The following DMD variants were observed in gnomAD, a reference collection of about 807,000 sequenced individuals.
The protein encoded by DMD is mutant dystrophin.
Under a neutral mutation model 330.1 loss-of-function variants are expected in DMD, and 63 were observed. The observed-to-expected ratio is 0.19, with a 90% CI of 0.16 to 0.24. DMD has a LOEUF of 0.24. DMD is among the 10% of genes least tolerant of loss of function. The probability of loss-of-function intolerance (pLI) is 1.00; values close to 1 mark genes in which losing one functional copy is unlikely to be tolerated. For missense variants in DMD, 3,344 were observed against 2,684.1 expected, an observed-to-expected ratio of 1.25 and a Z score of -5.43; for synonymous variants, 1,223 against 959.8, an observed-to-expected ratio of 1.27 and a Z score of -5.07.
chrX:32,388,459 G>A (rs1429713780), intron 32 of DMD, among the ~76,000 whole-genome samples: 1 of 106,040 alleles, frequency 9.4e-6, no homozygotes, highest in African/African-American at 3.5e-5. Flanking sequence ...CTTTTTGGGG[G>A]TGAGAATAAT....
chrX:32,173,884 T>C (rs2096897101), intron 44 of DMD, among the ~76,000 whole-genome samples: 1 of 111,691 alleles, frequency 9.0e-6, no homozygotes, highest in Non-Finnish European at 1.9e-5. Context: ...CATAAGAGGC[T>C]ATGTGTGAAT....
intron 42 of DMD, among the ~76,000 whole-genome samples, chrX:32,308,753 G>A (rs763638085): frequency 9.0e-6 from 1 of 110,873 alleles, no homozygotes; most frequent in East Asian, 2.9e-4. Context: ...AAGAGGTATG[G>A]AGACAGAGTT....
chrX:32,825,727 T>A (rs889389620), intron 4 of DMD, among the ~76,000 whole-genome samples: 2 of 111,482 alleles, frequency 1.8e-5, no homozygotes, highest in Admixed American at 9.6e-5. Context: ...ACAACATAAA[T>A]GAACCTTGGA....
rs761080656 is a variant in DMD at position 32,250,890 on chromosome X, A to C, written c.6291-33827T>G. On this transcript the variant is annotated intron_variant, in intron 43 of 78. Transcript: ENST00000357033. The stretch of plus-strand genomic sequence containing the variant: ...AACAGGATGACTTCATGTCCTTTGC[A>C]GGGACATGGATGAAGCTGGAAACCA... Among the ~76,000 whole-genome samples the C allele has an allele frequency of 2.7e-5, 3 of 111,406 alleles. No homozygotes were observed. The South Asian group carries it at 1.1e-3, about 43-fold the overall frequency.
intron 41 of DMD, among the ~76,000 whole-genome samples, chrX:32,330,891 T>C (rs1479889687): frequency 9.0e-6 from 1 of 111,414 alleles, no homozygotes; most frequent in Admixed American, 9.6e-5. Flanking sequence ...GAGGTTCCCA[T>C]TAAAAATGAA....
At chrX:31,973,382 T>C (rs972118283) in intron 44 of DMD, among the ~76,000 whole-genome samples, 1 of 111,000 alleles carries the variant, frequency 9.0e-6, no homozygotes, top group Non-Finnish European at 1.9e-5. Context: ...AATGGCCTTT[T>C]TTTGAGTAAA....
At chrX:32,708,416 T>A (rs995390544) in intron 7 of DMD, among the ~76,000 whole-genome samples, 5 of 111,101 alleles carry the variant, frequency 4.5e-5, no homozygotes, top group African/African-American at 1.6e-4. Flanking sequence ...GTGGTAAAAT[T>A]CACTAATTTC....
intron 1 of DMD, among the ~76,000 whole-genome samples, chrX:33,048,144 A>G (rs1231864802): frequency 1.8e-5 from 2 of 112,263 alleles, no homozygotes; most frequent in Non-Finnish European, 1.9e-5. Context: ...TTATATAATT[A>G]TGGATACAGA....
chrX:32,526,116 T>A (rs972941079), intron 17 of DMD, among the ~76,000 whole-genome samples: 1 of 111,759 alleles, frequency 8.9e-6, no homozygotes, highest in African/African-American at 3.3e-5. Flanking sequence ...CTTAACTCTG[T>A]ACTTAACGTA....
intron 9 of DMD, among the ~76,000 whole-genome samples, chrX:32,650,919 C>T (rs1462673598): frequency 9.0e-6 from 1 of 111,244 alleles, no homozygotes; most frequent in African/African-American, 3.3e-5. Context: ...TTTTTCACTA[C>T]AACAGATCAG....
intron 63 of DMD, among the ~76,000 whole-genome samples, chrX:31,240,625 CTATT>C (rs1471364889): frequency 1.8e-5 from 2 of 111,254 alleles, no homozygotes; most frequent in African/African-American, 6.5e-5. Context: ...TTAATGGGCT[CTATT>C]TATGTCTTTG....
At chrX:32,553,914 G>A (rs1423122643) in intron 16 of DMD, among the ~76,000 whole-genome samples, 3 of 111,476 alleles carry the variant, frequency 2.7e-5, no homozygotes, top group African/African-American at 9.8e-5. Flanking sequence ...CCAGATCGTG[G>A]CCAGTCTGCT....
chrX:32,914,144 C>A (rs1251247045), intron 2 of DMD, among the ~76,000 whole-genome samples: 1 of 111,409 alleles, frequency 9.0e-6, no homozygotes, highest in Non-Finnish European at 1.9e-5. Context: ...CTTAGTCCCC[C>A]CATCAAGCAT....
At chrX:32,896,567 A>G (rs1284239887) in intron 2 of DMD, among the ~76,000 whole-genome samples, 1 of 111,907 alleles carries the variant, frequency 8.9e-6, no homozygotes. Flanking sequence ...GGATAGAGCT[A>G]TTTTTAAAGC....
intron 11 of DMD, among the ~76,000 whole-genome samples, chrX:32,630,449 C>T (rs1345018708): frequency 9.1e-6 from 1 of 109,667 alleles, no homozygotes; most frequent in Non-Finnish European, 1.9e-5. Flanking sequence ...CTATTATCTT[C>T]TTGTACTTGA....
chrX:32,612,050 AT>A (rs1457514540), intron 12 of DMD, among the ~76,000 whole-genome samples: 1 of 69,746 alleles, frequency 1.4e-5, no homozygotes, highest in Non-Finnish European at 2.3e-5. Context: ...TGAACAAAAG[AT>A]TTGTGAACAA....
In DMD at chrX:31,657,972, A is replaced by G. The variant is rs376417532; in HGVS notation, c.8027+18T>C. ...TTATTACAGCCAACAGTAGTTTTAGAAATAATGTAATTCATACCTTTTATG... is the reference window on the plus strand; with the variant it reads ...TTATTACAGCCAACAGTAGTTTTAGGAATAATGTAATTCATACCTTTTATG... On this transcript the variant is annotated intron_variant, in intron 54 of 78. Coordinates refer to ENST00000357033, the MANE Select transcript of DMD (RefSeq NM_004006.3). The G allele has an allele frequency of 3.6e-5, 43 of 1,196,984 alleles. No homozygotes were observed. The African/African-American group carries it at 7.0e-4, about 20-fold the overall frequency.
chrX:32,033,591 C>CAGAAAGAA (rs1420861037), intron 44 of DMD, among the ~76,000 whole-genome samples: 4 of 27,337 alleles, frequency 1.5e-4, no homozygotes, highest in Admixed American at 4.4e-4. Context: ...AAAAACAAGA[C>CAGAAAGAA]AGACAGACAG....
intron 16 of DMD, among the ~76,000 whole-genome samples, chrX:32,546,616 C>T (rs1186113573): frequency 9.0e-6 from 1 of 111,457 alleles, no homozygotes; most frequent in Non-Finnish European, 1.9e-5. Context: ...AAAAAGGCTA[C>T]CTTTTGTTAA....
Sources: allele counts gnomAD v4.1 joint callset (sites outside exome capture counted in the v4.1 genomes callset), GRCh38; gene constraint gnomAD v4.1.1; transcripts MANE v1.5; gene names NCBI Gene and HGNC (gene_info 2026-07-23, HGNC 2026-07-21).